ARHGEF4: variants seen among roughly 807,000 people sequenced by gnomAD.
ARHGEF4 encodes APC-stimulated guanine nucleotide exchange factor 1.
In ARHGEF4, 119 loss-of-function variants were observed where a neutral mutation model predicts 162.0. The ratio of observed to expected loss-of-function variants is 0.73; its 90% CI spans 0.63 to 0.86. The LOEUF is 0.86. Among genes scored for constraint, ARHGEF4 ranks in the 40% least tolerant of loss-of-function variants. The probability of loss-of-function intolerance (pLI) is 0.00; values close to 1 mark genes in which losing one functional copy is unlikely to be tolerated. For synonymous variants in ARHGEF4, 1,014 were observed against 979.9 expected, an observed-to-expected ratio of 1.03 and a Z score of -0.65; for missense variants, 2,488 against 2,456.0, an observed-to-expected ratio of 1.01 and a Z score of -0.28.
chr2:130,923,302 C>T (rs2105079024), intron 2 of ARHGEF4, among the ~76,000 whole-genome samples: 1 of 152,310 alleles, frequency 6.6e-6, no homozygotes, highest in East Asian at 1.9e-4. Flanking sequence ...TTCTCTACCC[C>T]AAGGTCATGA....
At chr2:130,907,628 A>G (rs1680907676) in intron 1 of ARHGEF4, among the ~76,000 whole-genome samples, 1 of 151,958 alleles carries the variant, frequency 6.6e-6, no homozygotes, top group African/African-American at 2.4e-5. Flanking sequence ...CTGATTGTGG[A>G]GATTATGACT....
chr2:130,865,737 C>T (rs145885538), intron 1 of ARHGEF4, among the ~76,000 whole-genome samples: 86 of 149,706 alleles, frequency 5.7e-4, no homozygotes, highest in Middle Eastern at 3.4e-3. Flanking sequence ...TGTTTTGCCT[C>T]CAGTCATCTT....
chr2:130,991,306 C>T (rs750529910), intron 4 of ARHGEF4, among the ~76,000 whole-genome samples: 34 of 152,254 alleles, frequency 2.2e-4, no homozygotes, highest in Non-Finnish European at 3.8e-4. Flanking sequence ...AGCCCTCGCT[C>T]GCTCTTGGCG....
intron 4 of ARHGEF4, among the ~76,000 whole-genome samples, chr2:130,985,811 G>C (rs749578709): frequency 2.0e-5 from 3 of 151,782 alleles, no homozygotes; most frequent in Non-Finnish European, 4.4e-5. Context: ...CATGTTTTTT[G>C]TTGTGTATAT....
chr2:130,948,066 GACCCATAGAAA>G (rs1683728761), intron 4 of ARHGEF4, among the ~76,000 whole-genome samples: 1 of 152,224 alleles, frequency 6.6e-6, no homozygotes, highest in Non-Finnish European at 1.5e-5. Flanking sequence ...CGGTGCCGAA[GACCCATAGAAA>G]GCCAGTGTGG....
At chr2:130,949,889 T>G (rs973179337) in intron 4 of ARHGEF4, among the ~76,000 whole-genome samples, 2 of 152,226 alleles carry the variant, frequency 1.3e-5, no homozygotes, top group Admixed American at 6.5e-5. Context: ...CCTCAGGTGA[T>G]CTGTTTGCCT....
intron 1 of ARHGEF4, among the ~76,000 whole-genome samples, chr2:130,900,128 T>G (rs1680400671): frequency 6.6e-6 from 1 of 152,196 alleles, no homozygotes; most frequent in South Asian, 2.1e-4. Context: ...TTGAGGTTTG[T>G]TTTGTGACCC....
chr2:131,035,983 A>C, intron 5 of ARHGEF4: 1 of 477,500 alleles, frequency 2.1e-6, no homozygotes, highest in Non-Finnish European at 2.7e-6. Context: ...TGAGTCTCAA[A>C]TGTGCACCTC....
In ARHGEF4 at chr2:130,914,347, C is replaced by A; in HGVS notation, c.401C>A (p.Ser134Tyr). The change falls in exon 2 of 14, where the codon TCC (serine) becomes TAC (tyrosine). Residue 134 changes from serine to tyrosine, a missense_variant. By Grantham distance (144) the Ser-to-Tyr change is moderately radical. Transcript: ENST00000409359. ...CATGCAAAGGAAGAACTCGATTTGTCCCCTAGCTTAGAGGATGACTCTTGC... is the reference window on the plus strand; with the variant it reads ...CATGCAAAGGAAGAACTCGATTTGTACCCTAGCTTAGAGGATGACTCTTGC... The part of the protein sequence containing the change: ...GLHAKEELDL[S>Y]PSLEDDSCKN... The A allele has an allele frequency of 6.8e-7, 1 of 1,463,334 alleles. No individual in the cohort carries two copies. The highest frequency in any genetic ancestry group is 2.5e-5 in the East Asian group (1 of 40,334). The allele number at this position is 1,463,334 out of a possible 1,614,324, so 90.6% of individuals were successfully genotyped here.
At chr2:130,847,231 C>G (rs1681046312) in intron 1 of ARHGEF4, among the ~76,000 whole-genome samples, 1 of 152,234 alleles carries the variant, frequency 6.6e-6, no homozygotes, top group South Asian at 2.1e-4. Context: ...GGACACTGCT[C>G]AGTGCCTGAG....
At chr2:130,911,077 C>A (rs996364012) in intron 1 of ARHGEF4, among the ~76,000 whole-genome samples, 4 of 152,164 alleles carry the variant, frequency 2.6e-5, no homozygotes, top group Non-Finnish European at 5.9e-5. Context: ...GAGAGGCTAG[C>A]TCCACTGAAG....
chr2:130,993,018 A>G (rs1457779507), intron 4 of ARHGEF4, among the ~76,000 whole-genome samples: 3 of 152,214 alleles, frequency 2.0e-5, no homozygotes, highest in Non-Finnish European at 4.4e-5. Flanking sequence ...CTGGAGGCGG[A>G]GGTTGCAGTG....
chr2:130,926,050 C>T (rs201169905), intron 2 of ARHGEF4, among the ~76,000 whole-genome samples: 1,054 of 65,626 alleles, frequency 0.016, 7 homozygotes, highest in South Asian at 0.047. Flanking sequence ...CTTTCTTTCT[C>T]TTTCTTTCTT....
chr2:130,869,161 A>C (rs1192066981), intron 1 of ARHGEF4, among the ~76,000 whole-genome samples: 1 of 152,226 alleles, frequency 6.6e-6, no homozygotes, highest in Non-Finnish European at 1.5e-5. Flanking sequence ...GATGTGATAC[A>C]GCTGTCATAT....
chr2:130,881,952 G>A (rs978595023), intron 1 of ARHGEF4, among the ~76,000 whole-genome samples: 4 of 152,074 alleles, frequency 2.6e-5, no homozygotes, highest in Non-Finnish European at 5.9e-5. Flanking sequence ...TTGACACAGA[G>A]CCTCAGGCAG....
At chr2:131,001,302 CAAAAAA>C (rs70994730) in intron 4 of ARHGEF4, among the ~76,000 whole-genome samples, 4 of 31,156 alleles carry the variant, frequency 1.3e-4, no homozygotes, top group Non-Finnish European at 2.7e-4. Context: ...GACTGTGTCT[CAAAAAA>C]AAAAAAAAAA....
At chr2:130,854,087 A>G (rs1681595428) in intron 1 of ARHGEF4, among the ~76,000 whole-genome samples, 1 of 152,226 alleles carries the variant, frequency 6.6e-6, no homozygotes, top group African/African-American at 2.4e-5. Flanking sequence ...TGGGAAGCCA[A>G]GAAACATGAC....
intron 13 of ARHGEF4, 56 bp downstream of exon 13, chr2:131,045,502 C>A: frequency 6.2e-7 from 1 of 1,613,614 alleles, no homozygotes; most frequent in Middle Eastern, 1.7e-4. Flanking sequence ...CTGCTGACAT[C>A]ATTCCCTTCT....
intron 2 of ARHGEF4, among the ~76,000 whole-genome samples, chr2:130,924,670 T>C (rs1437874845): frequency 6.6e-6 from 1 of 152,180 alleles, no homozygotes; most frequent in African/African-American, 2.4e-5. Flanking sequence ...GGCTCCAGCG[T>C]CTGCTGAAGG....
Sources: gnomAD v4.1 joint callset for allele counts (sites outside exome capture counted in the v4.1 genomes callset) on GRCh38, gnomAD v4.1.1 for gene constraint, MANE v1.5 for transcripts, NCBI Gene and HGNC (gene_info 2026-07-23, HGNC 2026-07-21) for gene names.